The following VPS13B variants were observed in gnomAD, a reference collection of about 807,000 sequenced individuals.
VPS13B encodes the protein intermembrane lipid transfer protein VPS13B.
A neutral mutation model predicts 426.4 loss-of-function variants in VPS13B; 285 were observed. That is an observed-to-expected ratio of 0.67 (90% CI 0.61 to 0.74). The LOEUF (loss-of-function observed/expected upper bound fraction) is 0.74, where lower values mean the gene tolerates loss of function less well. VPS13B is among the 30% of genes least tolerant of loss of function. VPS13B has a pLI of 0.00. For missense variants in VPS13B, 4,537 were observed against 4,782.6 expected (o/e 0.95, Z 1.51); for synonymous variants, 1,676 against 1,676.4 (o/e 1.00, Z 0.01).
At chr8:99,681,166 T>C (rs1204895798) in intron 35 of VPS13B, among the ~76,000 whole-genome samples, 1 of 152,222 alleles carries the variant, frequency 6.6e-6, no homozygotes, top group Non-Finnish European at 1.5e-5. Flanking sequence ...ATGTACTTTA[T>C]ACAACAATAA....
At chr8:99,558,843 T>C (rs1446196380) in intron 31 of VPS13B, among the ~76,000 whole-genome samples, 1 of 152,210 alleles carries the variant, frequency 6.6e-6, no homozygotes, top group Non-Finnish European at 1.5e-5. Context: ...AAGTCTTTGC[T>C]ATTGTGAATA....
intron 29 of VPS13B, 22 bp downstream of exon 29, chr8:99,511,534 T>C: frequency 1.2e-6 from 2 of 1,603,676 alleles, no homozygotes; most frequent in Non-Finnish European, 1.7e-6. Flanking sequence ...TGATTTTTTT[T>C]GTCTGATTTT....
chr8:99,451,671 C>T (rs762179378), intron 23 of VPS13B, among the ~76,000 whole-genome samples: 26 of 152,112 alleles, frequency 1.7e-4, no homozygotes, highest in Non-Finnish European at 2.9e-4. Flanking sequence ...ATTTTCTTTC[C>T]TTGGTCTCTT....
intron 19 of VPS13B, among the ~76,000 whole-genome samples, chr8:99,361,749 T>C (rs1812572245): frequency 6.6e-6 from 1 of 152,182 alleles, no homozygotes; most frequent in African/African-American, 2.4e-5. Context: ...ATGATGCCTG[T>C]ATAGGAAAGC....
intron 23 of VPS13B, among the ~76,000 whole-genome samples, chr8:99,443,987 G>A (rs1373117399): frequency 1.3e-5 from 2 of 150,110 alleles, no homozygotes; most frequent in Non-Finnish European, 3.0e-5. Flanking sequence ...GTTATTATCC[G>A]CTTTGTTTCT....
intron 22 of VPS13B, among the ~76,000 whole-genome samples, chr8:99,441,065 CAATA>C (rs1817654552): frequency 6.6e-6 from 1 of 152,038 alleles, no homozygotes; most frequent in African/African-American, 2.4e-5. Flanking sequence ...GATCTTAAAT[CAATA>C]AACTACTTAA....
intron 4 of VPS13B, 123 bp from the exon 5 acceptor site, chr8:99,102,830 C>A: frequency 9.8e-7 from 1 of 1,015,388 alleles, no homozygotes; most frequent in Admixed American, 2.2e-5. Context: ...ACTTCAGTTT[C>A]TCTTTGGGAA....
intron 54 of VPS13B, among the ~76,000 whole-genome samples, chr8:99,845,094 T>A (rs1222372620): frequency 6.6e-6 from 1 of 152,242 alleles, no homozygotes; most frequent in African/African-American, 2.4e-5. Context: ...TTTATAGCTT[T>A]CAATATCGAT....
intron 23 of VPS13B, among the ~76,000 whole-genome samples, chr8:99,450,549 C>G (rs948753397): frequency 6.6e-6 from 1 of 152,000 alleles, no homozygotes; most frequent in African/African-American, 2.4e-5. Context: ...CCTGTCTCTA[C>G]TAAAATACAA....
chr8:99,377,097 A>G (rs1813531410), intron 19 of VPS13B, among the ~76,000 whole-genome samples: 2 of 151,996 alleles, frequency 1.3e-5, no homozygotes, highest in Admixed American at 1.3e-4. Flanking sequence ...CTTTTTGAGT[A>G]CTTTTCTGAT....
intron 21 of VPS13B, among the ~76,000 whole-genome samples, chr8:99,409,650 A>C (rs1287792820): frequency 2.6e-5 from 4 of 152,196 alleles, no homozygotes; most frequent in Non-Finnish European, 5.9e-5. Flanking sequence ...ACCAAGGATC[A>C]TAACTTTCTT....
intron 36 of VPS13B, among the ~76,000 whole-genome samples, chr8:99,702,155 C>T (rs1413413286): frequency 6.6e-6 from 1 of 152,108 alleles, no homozygotes; most frequent in Non-Finnish European, 1.5e-5. Flanking sequence ...AGCAAATATA[C>T]TCACATAAAA....
intron 39 of VPS13B, among the ~76,000 whole-genome samples, chr8:99,748,634 G>A (rs1007102828): frequency 1.3e-5 from 2 of 151,966 alleles, no homozygotes; most frequent in South Asian, 4.1e-4. Flanking sequence ...CAATGTCAAA[G>A]ACATTCATGT....
chr8:99,083,700 A>G (rs1204466854), intron 3 of VPS13B, among the ~76,000 whole-genome samples: 3 of 129,826 alleles, frequency 2.3e-5, no homozygotes, highest in Non-Finnish European at 4.8e-5. Flanking sequence ...CCTTTTCTGC[A>G]TCTATTGAGA....
At chr8:99,283,628 A>T (rs1819278665) in intron 19 of VPS13B, among the ~76,000 whole-genome samples, 1 of 152,210 alleles carries the variant, frequency 6.6e-6, no homozygotes, top group Non-Finnish European at 1.5e-5. Flanking sequence ...GCTTGAAAAG[A>T]AAATGCATGT....
intron 34 of VPS13B, among the ~76,000 whole-genome samples, chr8:99,654,043 T>G (rs1364221333): frequency 6.6e-6 from 1 of 151,098 alleles, no homozygotes; most frequent in Non-Finnish European, 1.5e-5. Flanking sequence ...TTATTATTAT[T>G]ATTATTATTA....
At chr8:99,454,585 C>A (rs570492877) in intron 23 of VPS13B, among the ~76,000 whole-genome samples, 26 of 152,110 alleles carry the variant, frequency 1.7e-4, no homozygotes, top group South Asian at 6.2e-4. Flanking sequence ...TAAATAAAGC[C>A]GCTATATACC....
At chr8:99,438,839 C>T (rs529876049) in intron 22 of VPS13B, among the ~76,000 whole-genome samples, 3 of 152,036 alleles carry the variant, frequency 2.0e-5, no homozygotes, top group Non-Finnish European at 4.4e-5. Context: ...GATAGTGAAA[C>T]CGTAAGCAAC....
At chr8:99,479,314 A>G (rs1819913819) in intron 24 of VPS13B, among the ~76,000 whole-genome samples, 3 of 152,208 alleles carry the variant, frequency 2.0e-5, no homozygotes, top group Non-Finnish European at 4.4e-5. Flanking sequence ...AAGTGTGTGA[A>G]TAAATTTTTT....
Sources: allele counts gnomAD v4.1 joint callset (sites outside exome capture counted in the v4.1 genomes callset), GRCh38; gene constraint gnomAD v4.1.1; transcripts MANE v1.5; gene names NCBI Gene and HGNC (gene_info 2026-07-23, HGNC 2026-07-21).